CCT6B: variants seen among roughly 807,000 people sequenced by gnomAD.
CCT6B encodes probable T-complex protein 1 subunit zeta-2.
A neutral mutation model predicts 61.5 loss-of-function variants in CCT6B; 49 were observed. The observed-to-expected ratio is 0.80, with a 90% confidence interval of 0.63 to 1.01. The LOEUF is 1.01. Ranked by LOEUF, CCT6B falls within the 50% of genes least tolerant of loss-of-function variation. The pLI is 0.00. For missense variants in CCT6B, 666 were observed against 634.7 expected (o/e 1.05, Z -0.53); for synonymous variants, 228 against 214.5 (o/e 1.06, Z -0.55).
chr17:34,958,492 A>C, intron 3 of CCT6B, 68 bp downstream of exon 3: 1 of 951,546 alleles, frequency 1.1e-6, no homozygotes. Flanking sequence ...TCTAAAACTC[A>C]ACCATTTTAC....
Position 34,940,537 on chromosome 17 carries a change from A to C in CCT6B, c.968+2T>G. ...AGGATATATAATTATCTGCAAGCTT[A>C]CCTTTCCATATTTCTTCTTTTTGCT... On this transcript the variant is annotated splice_donor_variant, in intron 8 of 13. Coordinates refer to ENST00000314144, the MANE Select transcript of CCT6B (RefSeq NM_006584.4). LOFTEE classifies it high-confidence loss of function. 6.6e-7 allele frequency: 1 copy of C among 1,521,238 alleles called. No homozygotes were observed. The highest frequency in any genetic ancestry group is 9.0e-7 in the Non-Finnish European group (1 of 1,112,266). The allele number at this position is 1,521,238 out of a possible 1,614,324, so 94.2% of individuals were successfully genotyped here.
intron 3 of CCT6B, 23 bp downstream of exon 3, chr17:34,958,535 CAT>C: frequency 7.0e-7 from 1 of 1,435,620 alleles, no homozygotes; most frequent in Non-Finnish European, 9.3e-7. Flanking sequence ...TTCAAAATAA[CAT>C]ATAAACTGTG....
intron 10 of CCT6B, among the ~76,000 whole-genome samples, chr17:34,934,251 GA>G (rs2090070174): frequency 6.6e-6 from 1 of 151,666 alleles, no homozygotes; most frequent in African/African-American, 2.4e-5. Flanking sequence ...TCAGAAATGA[GA>G]AAATTTATAT....
intron 10 of CCT6B, among the ~76,000 whole-genome samples, chr17:34,936,082 C>G (rs574920872): frequency 1.3e-5 from 2 of 152,244 alleles, no homozygotes; most frequent in Middle Eastern, 6.8e-3. Context: ...TCACGAGAAG[C>G]TGAGATTGCA....
chr17:34,952,092 A>C (rs376224293), intron 4 of CCT6B, 39 bp from the exon 5 acceptor site: 1 of 1,277,744 alleles, frequency 7.8e-7, no homozygotes, highest in Non-Finnish European at 1.1e-6. Context: ...AGTTATTTGG[A>C]CTACTAAAAT....
intron 4 of CCT6B, 77 bp downstream of exon 4, chr17:34,954,349 A>T: frequency 8.7e-7 from 1 of 1,144,778 alleles, no homozygotes; most frequent in Non-Finnish European, 1.2e-6. Flanking sequence ...GAAATACTTG[A>T]TTATCTTACA....
chr17:34,936,780 T>G (rs1224139067), intron 10 of CCT6B, among the ~76,000 whole-genome samples: 1 of 152,096 alleles, frequency 6.6e-6, no homozygotes, highest in Non-Finnish European at 1.5e-5. Flanking sequence ...AAGACTCAAA[T>G]AGATAAGATG....
chr17:34,959,714 C>T, intron 1 of CCT6B, 64 bp from the exon 2 acceptor site: 1 of 1,145,986 alleles, frequency 8.7e-7, no homozygotes, highest in Non-Finnish European at 1.3e-6. Context: ...CTTGCCACTC[C>T]ATTATCCTTA....
chr17:34,945,879 T>TAGAGAACTGCAA, intron 5 of CCT6B, among the ~76,000 whole-genome samples: 1 of 152,328 alleles, frequency 6.6e-6, no homozygotes, highest in South Asian at 2.1e-4. Context: ...CTCCAACAGG[T>TAGAGAACTGCAA]AAGTAGAGAA....
chr17:34,949,117 AGAAAAG>A (rs2090261549), intron 5 of CCT6B, among the ~76,000 whole-genome samples: 1 of 151,226 alleles, frequency 6.6e-6, no homozygotes, highest in Non-Finnish European at 1.5e-5. Flanking sequence ...AGAAAAGAAA[AGAAAAG>A]GAGAAAAGCA....
At chr17:34,959,746 A>G (rs2090391050) in intron 1 of CCT6B, 96 bp from the exon 2 acceptor site, 3 of 787,350 alleles carry the variant, frequency 3.8e-6, no homozygotes, top group Admixed American at 3.9e-5. Flanking sequence ...TGGGCTCGGA[A>G]AACTTCCACT....
intron 12 of CCT6B, among the ~76,000 whole-genome samples, chr17:34,930,271 CATAA>C (rs1259493734): frequency 1.3e-5 from 2 of 152,146 alleles, no homozygotes; most frequent in Admixed American, 1.3e-4. Context: ...GAGACTGTCT[CATAA>C]ATTAATTAAT....
Position 34,942,538 on chromosome 17 carries a change from C to T in CCT6B, c.831G>A (p.Leu277=), listed in dbSNP as rs1250207859. ...TTGACTGAGCACAGACTTTGTCCTT[C>T]AGGTCTATTATTTTTTGTACTCTAT... is the stretch of plus-strand genomic sequence containing the variant. The part of the protein sequence containing the change: ...IEDRVQKIID[L]KDKVCAQSNK... Residue 277 remains leucine, a synonymous_variant, in exon 7 of 14, where the codon CTG becomes CTA. Transcript: ENST00000314144. 15 of 1,604,786 alleles carry T rather than the reference C, an allele frequency of 9.3e-6. No individual in the cohort carries two copies. The highest frequency in any genetic ancestry group is 1.7e-5 in the Admixed American group (1 of 57,226).
chr17:34,941,974 G>A (rs1392942382), intron 7 of CCT6B, among the ~76,000 whole-genome samples: 3 of 151,892 alleles, frequency 2.0e-5, no homozygotes, highest in Non-Finnish European at 2.9e-5. Flanking sequence ...GGAGGTCAAC[G>A]CTGTAGTGAG....
chr17:34,951,321 T>C (rs542366649), intron 5 of CCT6B, among the ~76,000 whole-genome samples: 1 of 152,314 alleles, frequency 6.6e-6, no homozygotes, highest in African/African-American at 2.4e-5. Flanking sequence ...AGGTGGTATA[T>C]GATGTCTGGA....
At chr17:34,959,758 T>C (rs1055180553) in intron 1 of CCT6B, 108 bp from the exon 2 acceptor site, 3 of 703,138 alleles carry the variant, frequency 4.3e-6, no homozygotes, top group Non-Finnish European at 7.6e-6. Context: ...ACTTCCACTG[T>C]ACCATGGGAA....
At chr17:34,946,336 T>A (rs1295157533) in intron 5 of CCT6B, among the ~76,000 whole-genome samples, 1 of 151,936 alleles carries the variant, frequency 6.6e-6, no homozygotes, top group Non-Finnish European at 1.5e-5. Flanking sequence ...TAAAATATAA[T>A]AAACACCAGA....
At chr17:34,953,735 T>G (rs949296618) in intron 4 of CCT6B, among the ~76,000 whole-genome samples, 6 of 152,052 alleles carry the variant, frequency 3.9e-5, no homozygotes, top group African/African-American at 1.2e-4. Flanking sequence ...GGGTGTATCA[T>G]TTGAGGTCAG....
intron 5 of CCT6B, among the ~76,000 whole-genome samples, chr17:34,944,817 T>C (rs866652305): frequency 6.6e-6 from 1 of 152,218 alleles, no homozygotes; most frequent in Non-Finnish European, 1.5e-5. Flanking sequence ...TCCCAGCTAC[T>C]TGGGAGGCTG....
Sources: allele counts gnomAD v4.1 joint callset (sites outside exome capture counted in the v4.1 genomes callset), GRCh38; gene constraint gnomAD v4.1.1; transcripts MANE v1.5; gene names NCBI Gene and HGNC (gene_info 2026-07-23, HGNC 2026-07-21).